The following DENND1B variants were observed in gnomAD, a reference collection of about 807,000 sequenced individuals.
The protein encoded by DENND1B is DENN domain containing 1B, also known as DENN domain-containing protein 1B.
DENND1B carries 59 observed loss-of-function variants against 90.1 expected under a neutral mutation model. The ratio of observed to expected loss-of-function variants is 0.65; its 90% confidence interval spans 0.53 to 0.81. The LOEUF is 0.81. Ranked by LOEUF, DENND1B falls within the 40% of genes least tolerant of loss-of-function variation. The probability of loss-of-function intolerance (pLI) is 0.00; values close to 1 mark genes in which losing one functional copy is unlikely to be tolerated. For synonymous variants in DENND1B, 337 were observed against 324.6 expected (o/e 1.04, Z -0.41); for missense variants, 862 against 912.6 (o/e 0.94, Z 0.71).
chr1:197,575,928 T>C (rs1673638369), intron 15 of DENND1B, among the ~76,000 whole-genome samples: 1 of 152,032 alleles, frequency 6.6e-6, no homozygotes, highest in African/African-American at 2.4e-5. Context: ...CCAGGGCCTG[T>C]TGGCAGGTAG....
chr1:197,781,519 T>A, the DENND1B span, among the ~76,000 whole-genome samples: 1 of 152,198 alleles, frequency 6.6e-6, no homozygotes, highest in Non-Finnish European at 1.5e-5. Flanking sequence ...AAGGAAAACA[T>A]CCTCCTGGCA....
At chr1:197,530,210 T>C (rs1483782421) in intron 20 of DENND1B, among the ~76,000 whole-genome samples, 1 of 152,228 alleles carries the variant, frequency 6.6e-6, no homozygotes, top group East Asian at 1.9e-4. Flanking sequence ...CTTAGAACTT[T>C]GTTCTTTTCT....
intron 4 of DENND1B, 30 bp from the exon 5 acceptor site, chr1:197,672,186 T>G: frequency 2.6e-6 from 4 of 1,558,362 alleles, no homozygotes; most frequent in Non-Finnish European, 3.5e-6. Flanking sequence ...GGAAACATTG[T>G]GCCTTGTTTG....
chr1:197,650,132 G>A (rs997198848), intron 7 of DENND1B, among the ~76,000 whole-genome samples: 3 of 152,100 alleles, frequency 2.0e-5, no homozygotes, highest in Non-Finnish European at 4.4e-5. Context: ...TCAGGGAAAT[G>A]CAACTCAAAA....
At chr1:197,763,230 G>T (rs777155462) in intron 2 of DENND1B, among the ~76,000 whole-genome samples, 1 of 152,162 alleles carries the variant, frequency 6.6e-6, no homozygotes, top group Non-Finnish European at 1.5e-5. Context: ...AGGATCCCTG[G>T]AGCCCAGTTC....
In DENND1B at chr1:197,553,073, C is replaced by T; in HGVS notation, c.1189G>A (p.Gly397Ser). ...GRLAKLNAGR[G>S]FSDVFEEEIT... ...TCTTCTTCAAATACATCAGAGAAAC[C>T]CCTTCCTGCATTTAGTTTTGCCAGT... Residue 397 changes from glycine to serine, a missense_variant, in exon 16 of 23, where the codon GGT (glycine) becomes AGT (serine). Coordinates refer to ENST00000620048, the MANE Select transcript of DENND1B (RefSeq NM_001195215.2). 2 of 1,546,636 alleles carry T rather than the reference C, an allele frequency of 1.3e-6. No individual in the cohort carries two copies. The highest frequency in any genetic ancestry group is 1.7e-6 in the Non-Finnish European group (2 of 1,153,268).
At chr1:197,590,619 G>C (rs1675114564) in intron 14 of DENND1B, among the ~76,000 whole-genome samples, 1 of 152,138 alleles carries the variant, frequency 6.6e-6, no homozygotes, top group East Asian at 1.9e-4. Flanking sequence ...ATTTAGGGTT[G>C]CCAGCTTAGA....
chr1:197,745,141 A>G (rs1332516481), intron 2 of DENND1B, among the ~76,000 whole-genome samples: 1 of 152,224 alleles, frequency 6.6e-6, no homozygotes, highest in African/African-American at 2.4e-5. Flanking sequence ...CACCTCAGCA[A>G]TAAGGGTGTT....
chr1:197,547,690 G>A (rs1670917646), intron 16 of DENND1B, among the ~76,000 whole-genome samples: 1 of 152,054 alleles, frequency 6.6e-6, no homozygotes. Context: ...GTAAAAATAA[G>A]TTGCCCTGTT....
intron 20 of DENND1B, among the ~76,000 whole-genome samples, chr1:197,523,376 A>G (rs911981781): frequency 6.6e-6 from 1 of 152,130 alleles, no homozygotes; most frequent in African/African-American, 2.4e-5. Flanking sequence ...AATCACAGAT[A>G]TAAGGAAGTT....
At chr1:197,744,188 A>T (rs1663485707) in intron 2 of DENND1B, among the ~76,000 whole-genome samples, 1 of 152,172 alleles carries the variant, frequency 6.6e-6, no homozygotes, top group Admixed American at 6.5e-5. Context: ...ACCTCCTCCC[A>T]TGAATCATGA....
At chr1:197,731,495 A>G (rs938201401) in intron 2 of DENND1B, among the ~76,000 whole-genome samples, 2 of 152,260 alleles carry the variant, frequency 1.3e-5, no homozygotes, top group East Asian at 3.9e-4. Context: ...TCAGTAGTAT[A>G]TAATTATATC....
intron 2 of DENND1B, chr1:197,735,528 A>G: frequency 6.2e-7 from 1 of 1,611,510 alleles, no homozygotes; most frequent in Admixed American, 1.7e-5. Flanking sequence ...AGTGTGAACT[A>G]TGAAACATTC....
At chr1:197,542,473 T>C (rs970196215) in intron 18 of DENND1B, among the ~76,000 whole-genome samples, 4 of 152,164 alleles carry the variant, frequency 2.6e-5, no homozygotes, top group African/African-American at 9.7e-5. Flanking sequence ...AGGGACAGTA[T>C]CTCTTACTGT....
chr1:197,537,157 C>G (rs1000277694), intron 20 of DENND1B, among the ~76,000 whole-genome samples: 2 of 151,970 alleles, frequency 1.3e-5, no homozygotes, highest in Non-Finnish European at 2.9e-5. Context: ...TCCTGAAACT[C>G]AGATATTTAT....
At chr1:197,616,159 G>A (rs974904443) in intron 11 of DENND1B, among the ~76,000 whole-genome samples, 8 of 150,682 alleles carry the variant, frequency 5.3e-5, no homozygotes, top group South Asian at 2.1e-4. Flanking sequence ...TATATAAAAC[G>A]TAATTCTAAA....
At chr1:197,549,650 C>T (rs980362618) in intron 16 of DENND1B, among the ~76,000 whole-genome samples, 5 of 152,224 alleles carry the variant, frequency 3.3e-5, no homozygotes, top group Middle Eastern at 3.4e-3. Flanking sequence ...TACTTAAATG[C>T]ATCCTTTGTT....
intron 2 of DENND1B, among the ~76,000 whole-genome samples, chr1:197,763,765 C>T (rs1336188228): frequency 6.6e-6 from 1 of 152,206 alleles, no homozygotes; most frequent in Non-Finnish European, 1.5e-5. Flanking sequence ...CTCTACTGTT[C>T]CCTAAGCAAT....
chr1:197,622,347 C>T (rs1174637826), intron 10 of DENND1B, among the ~76,000 whole-genome samples: 2 of 151,236 alleles, frequency 1.3e-5, no homozygotes, highest in East Asian at 3.9e-4. Flanking sequence ...ACCAACTGCC[C>T]ACGATCACAG....
Sources: gnomAD v4.1 joint callset for allele counts (sites outside exome capture counted in the v4.1 genomes callset) on GRCh38, gnomAD v4.1.1 for gene constraint, MANE v1.5 for transcripts, NCBI Gene and HGNC (gene_info 2026-07-23, HGNC 2026-07-21) for gene names.